Variants in SLC37A2 observed in about 807,000 individuals in gnomAD.
The protein encoded by SLC37A2 is solute carrier family 37 member 2.
Under a neutral mutation model 70.7 loss-of-function variants are expected in SLC37A2, and 59 were observed. That is an observed-to-expected ratio of 0.83 (90% CI 0.68 to 1.04). The LOEUF (loss-of-function observed/expected upper bound fraction) is 1.04. SLC37A2 is among the 50% of genes least tolerant of loss of function. The pLI is 0.00. For missense variants in SLC37A2, 580 were observed against 658.1 expected (o/e 0.88, Z 1.30); for synonymous variants, 257 against 262.1 (o/e 0.98, Z 0.19).
At chr11:125,086,346 C>A in intron 17 of SLC37A2, 1 of 1,048,666 alleles carries the variant, frequency 9.5e-7, no homozygotes, top group Non-Finnish European at 1.5e-6. Context: ...ATGACTTTTT[C>A]CAACTTTCTC....
intron 15 of SLC37A2, 31 bp downstream of exon 15, chr11:125,085,504 C>A: frequency 6.2e-7 from 1 of 1,613,510 alleles, no homozygotes; most frequent in Non-Finnish European, 8.5e-7. Context: ...TGTGGGCCGG[C>A]CCCTAGGCAT....
intron 1 of SLC37A2, among the ~76,000 whole-genome samples, chr11:125,075,172 G>A (rs938112972): frequency 6.6e-6 from 1 of 152,228 alleles, no homozygotes; most frequent in East Asian, 1.9e-4. Flanking sequence ...CGTCCCAGGC[G>A]GGGCTTGGTG....
chr11:125,067,300 C>T (rs1367551219), intron 1 of SLC37A2, among the ~76,000 whole-genome samples: 4 of 152,242 alleles, frequency 2.6e-5, no homozygotes, highest in Admixed American at 1.3e-4. Context: ...CCTCCAGTAA[C>T]ATTTTAAATA....
chr11:125,088,135 G>A lies in SLC37A2; in HGVS notation c.*1G>A. 1 of 1,551,732 alleles carries A rather than the reference G, an allele frequency of 6.4e-7. No homozygotes were observed. Among genetic ancestry groups the A allele is most frequent in the South Asian group, 1.2e-5 (1 of 84,050 alleles). ...TTCATGCAGGTATAAAGAAATATGA[G>A]GCCCCAATTGGAACAGCAGCATGGA... On this transcript the variant is annotated 3_prime_UTR_variant, in exon 18 of 18. Coordinates refer to ENST00000403796, the MANE Select transcript of SLC37A2 (RefSeq NM_001145290.2).
In SLC37A2 at chr11:125,076,760, C is replaced by T. The variant is rs749633539; in HGVS notation, c.63C>T (p.Phe21=). The change falls in exon 2 of 18, where the codon TTC becomes TTT. Residue 21 remains phenylalanine, a synonymous_variant. Transcript: ENST00000403796. ...CAGATGCTGTCCCTTCCTGCAGGTT[C>T]CGAGGCCTCATCCTGCTGCTGACCT... ...FFRAFSRDSW[F]RGLILLLTFL... The T allele has an allele frequency of 3.1e-6, 5 of 1,614,126 alleles. No individual in the cohort carries two copies. The East Asian group carries it at 1.1e-4, about 36-fold the overall frequency.
At chr11:125,066,450 A>G (rs972147293) in intron 1 of SLC37A2, among the ~76,000 whole-genome samples, 2 of 152,244 alleles carry the variant, frequency 1.3e-5, no homozygotes, top group Admixed American at 6.5e-5. Context: ...TCTATAACTG[A>G]TTACAGAGCC....
At chr11:125,071,737 T>G (rs978252018) in intron 1 of SLC37A2, among the ~76,000 whole-genome samples, 1 of 152,146 alleles carries the variant, frequency 6.6e-6, no homozygotes, top group African/African-American at 2.4e-5. Flanking sequence ...AAAGAGGGTC[T>G]TGTCCTGTCT....
chr11:125,085,136 T>G lies in SLC37A2; in HGVS notation c.1245T>G (p.Asp415Glu). The change falls in exon 14 of 18, where the codon GAT (aspartate) becomes GAG (glutamate). Residue 415 changes from aspartate to glutamate, a missense_variant. By Grantham distance (45) the Asp-to-Glu change is conservative. Transcript: ENST00000403796. ...TCATCACCACTGCTGTCTCTGCTGA[T>G]CTGGTGAGTGGGGCCACCTCCCGAG... The part of the protein sequence containing the change: ...YALITTAVSA[D>E]LGTHKSLKGN... 3 of 1,613,536 alleles carry G rather than the reference T, an allele frequency of 1.9e-6. No individual in the cohort carries two copies. Among genetic ancestry groups the G allele is most frequent in the Non-Finnish European group, 2.5e-6 (3 of 1,179,822 alleles).
At chr11:125,082,122 G>A (rs1949157351) in intron 9 of SLC37A2, 122 bp from the exon 10 acceptor site, 2 of 1,066,458 alleles carry the variant, frequency 1.9e-6, no homozygotes, top group Non-Finnish European at 2.9e-6. Context: ...TGGATGTGTT[G>A]GAGGCTGCCT....
rs753577596 is a variant in SLC37A2, at chr11:125,063,421, C to T, written c.54C>T (p.Asp18=). 2 of 1,611,494 alleles carry T rather than the reference C, an allele frequency of 1.2e-6. No individual in the cohort carries two copies. Among genetic ancestry groups the T allele is most frequent in the South Asian group, 1.1e-5 (1 of 90,412 alleles). The part of the protein sequence containing the change: ...GVWFFRAFSR[D]SWFRGLILLL... ...GGTTCTTCCGGGCCTTCTCCAGGGACAGCTGGTGAGCGGGGCAGGGGAGGG... is the reference window on the plus strand; with the variant it reads ...GGTTCTTCCGGGCCTTCTCCAGGGATAGCTGGTGAGCGGGGCAGGGGAGGG... The change falls in exon 1 of 18, where the codon GAC becomes GAT. Residue 18 remains aspartate, a synonymous_variant. Coordinates refer to ENST00000403796, the MANE Select transcript of SLC37A2 (RefSeq NM_001145290.2). The surrounding 1 kb of genome is among the most constrained non-coding windows in gnomAD (Gnocchi z 5.4).
Position 125,089,690 on chromosome 11 carries a change from T to G in SLC37A2, c.*1556T>G, listed in dbSNP as rs933977716. 5 of 153,180 alleles carry G rather than the reference T, an allele frequency of 3.3e-5. No individual in the cohort carries two copies. In the East Asian group the frequency reaches 5.8e-4, roughly 18 times the overall value. The allele number at this position is 153,180 out of a possible 1,614,324, so 9.5% of individuals were successfully genotyped here. Reference sequence around the variant, plus strand: ...GGTCCCCCAGCAGTGCCGGCCCACCTGCGCTGTGCTTGATTTCTCGCTGGG... The same window carrying G: ...GGTCCCCCAGCAGTGCCGGCCCACCGGCGCTGTGCTTGATTTCTCGCTGGG... On this transcript the variant is annotated 3_prime_UTR_variant, in exon 18 of 18. Transcript: ENST00000403796.
chr11:125,068,619 T>C (rs1402535373), intron 1 of SLC37A2, among the ~76,000 whole-genome samples: 5 of 152,172 alleles, frequency 3.3e-5, no homozygotes, highest in Non-Finnish European at 2.9e-5. Context: ...CAGAAGTCGG[T>C]TGGGGAGATT....
At chr11:125,086,590 A>C (rs991144572) in intron 17 of SLC37A2, 1 of 359,844 alleles carries the variant, frequency 2.8e-6, no homozygotes, top group Admixed American at 4.1e-5. Flanking sequence ...AACCAAGGTC[A>C]TCTGGCCCCT....
At chr11:125,081,338 T>A (rs1354550607) in intron 7 of SLC37A2, 83 bp from the exon 8 acceptor site, 1 of 1,353,520 alleles carries the variant, frequency 7.4e-7, no homozygotes, top group African/African-American at 1.6e-5. Context: ...TTAGATCCAG[T>A]GCAAGGTGAG....
intron 4 of SLC37A2, among the ~76,000 whole-genome samples, chr11:125,078,830 T>C (rs1379697920): frequency 1.3e-5 from 2 of 151,828 alleles, no homozygotes; most frequent in East Asian, 3.9e-4. Flanking sequence ...TGGGTGGTTG[T>C]GGCAATGGTG....
At position 125,063,355 on chromosome 11, in the gene SLC37A2, C is replaced by A; in HGVS notation, c.-13C>A. The A allele has an allele frequency of 1.2e-6, 2 of 1,609,948 alleles. No homozygotes were observed. Among genetic ancestry groups the A allele is most frequent in the Non-Finnish European group, 1.7e-6 (2 of 1,178,128 alleles). On this transcript the variant is annotated 5_prime_UTR_variant, in exon 1 of 18. Transcript: ENST00000403796. This position sits in a 1 kb window ranked among gnomAD's most constrained non-coding sequence, Gnocchi z 5.4. Reference sequence around the variant, plus strand: ...TCCTCCGTCGACTCAGCCTTAGGTACCGGTCAGGCAAAATGCGGTCCTCCC... The same window carrying A: ...TCCTCCGTCGACTCAGCCTTAGGTAACGGTCAGGCAAAATGCGGTCCTCCC...
chr11:125,083,473 A>C lies in SLC37A2; in HGVS notation c.977-342A>C. On this transcript the variant is annotated intron_variant, in intron 10 of 17. Transcript: ENST00000403796. The surrounding 1 kb of genome is among the most constrained non-coding windows in gnomAD (Gnocchi z 4.6). Reference sequence around the variant, plus strand: ...CTGCTAGGGCCGGAGTGAAGCAGAGAAAGGGCTGGGCTGAGCTTCAGGTTG... The same window carrying C: ...CTGCTAGGGCCGGAGTGAAGCAGAGCAAGGGCTGGGCTGAGCTTCAGGTTG... 2 of 254,634 alleles carry C rather than the reference A, an allele frequency of 7.9e-6. No individual in the cohort carries two copies. Among genetic ancestry groups the C allele is most frequent in the African/African-American group, 4.4e-5 (2 of 45,150 alleles). The allele number at this position is 254,634 out of a possible 1,614,324, so 15.8% of individuals were successfully genotyped here.
chr11:125,077,177 G>T (rs1949096090), intron 2 of SLC37A2, 53 bp from the exon 3 acceptor site: 3 of 1,400,398 alleles, frequency 2.1e-6, no homozygotes, highest in Non-Finnish European at 2.9e-6. Context: ...GCAGGTGGTT[G>T]CTTGCTCCCC....
intron 4 of SLC37A2, 123 bp downstream of exon 4, chr11:125,077,651 G>A (rs547522358): frequency 1.4e-6 from 1 of 701,982 alleles, no homozygotes; most frequent in Non-Finnish European, 2.3e-6. Context: ...TCCACCCACA[G>A]CCATCCTCCT....
Sources: gnomAD v4.1 joint callset for allele counts (sites outside exome capture counted in the v4.1 genomes callset) on GRCh38, gnomAD v4.1.1 for gene constraint, Gnocchi (gnomAD v3.1) non-coding constraint, MANE v1.5 for transcripts, NCBI Gene and HGNC (gene_info 2026-07-23, HGNC 2026-07-21) for gene names.